Variants in MBNL2 observed in about 807,000 individuals in gnomAD.
MBNL2 encodes the protein muscleblind like splicing regulator 2.
Under a neutral mutation model 41.9 loss-of-function variants are expected in MBNL2, and 17 were observed. The observed-to-expected ratio is 0.41, with a 90% confidence interval of 0.28 to 0.61. The LOEUF (loss-of-function observed/expected upper bound fraction) is 0.61. MBNL2 is among the 20% of genes least tolerant of loss of function. The pLI, the probability that MBNL2 is intolerant of heterozygous loss-of-function variation, is 0.35. For missense variants in MBNL2, 336 were observed against 505.6 expected (o/e 0.66, Z 3.22); for synonymous variants, 195 against 182.9 (o/e 1.07, Z -0.53).
the MBNL2 span, among the ~76,000 whole-genome samples, chr13:97,214,250 C>T: frequency 6.6e-6 from 1 of 152,164 alleles, no homozygotes; most frequent in Non-Finnish European, 1.5e-5. Flanking sequence ...GTAGTTTTGA[C>T]TTTTCGACTC....
Position 97,295,195 on chromosome 13 carries a change from T to C in MBNL2, c.174+18786T>C, listed in dbSNP as rs140921788. Among the ~76,000 whole-genome samples the C allele has an allele frequency of 1.7e-3, 262 of 152,282 alleles. 1 individual carries two copies. The highest frequency in any genetic ancestry group is 2.4e-3 in the Non-Finnish European group (166 of 68,004). On this transcript the variant is annotated intron_variant, in intron 2 of 8. Transcript: ENST00000679496. Reference sequence around the variant, plus strand: ...GAACAGGGCCAATGAATGAGATCTGTGGGAAGACACATCTTTGTTCAATAT... The same window carrying C: ...GAACAGGGCCAATGAATGAGATCTGCGGGAAGACACATCTTTGTTCAATAT...
the MBNL2 span, among the ~76,000 whole-genome samples, chr13:97,195,750 G>C: frequency 6.6e-6 from 1 of 152,140 alleles, no homozygotes; most frequent in South Asian, 2.1e-4. Context: ...TTTCACTAAT[G>C]GTTGATTCTT....
At position 97,320,418 on chromosome 13, in the gene MBNL2, G is replaced by A. The variant is rs566699835; in HGVS notation, c.175-13858G>A. ...ACTACAGGTGTGTGTCACCATGCCCGGCTAATTTTTTGTATTTTTAGTAGA... is the reference window on the plus strand; with the variant it reads ...ACTACAGGTGTGTGTCACCATGCCCAGCTAATTTTTTGTATTTTTAGTAGA... On this transcript the variant is annotated intron_variant, in intron 2 of 8. Transcript: ENST00000679496. 6.6e-5 allele frequency among the ~76,000 whole-genome samples: 10 copies of A among 151,946 alleles called. No individual in the cohort carries two copies. The South Asian group carries it at 1.2e-3, about 19-fold the overall frequency.
intron 2 of MBNL2, among the ~76,000 whole-genome samples, chr13:97,290,552 T>C (rs1270322265): frequency 1.3e-5 from 2 of 151,930 alleles, no homozygotes; most frequent in African/African-American, 4.8e-5. Flanking sequence ...GGCGGGCGCC[T>C]GTAGTCCCAG....
chr13:97,353,110 T>C (rs2062654621), intron 5 of MBNL2, among the ~76,000 whole-genome samples: 2 of 152,220 alleles, frequency 1.3e-5, no homozygotes, highest in Admixed American at 1.3e-4. Context: ...ATTATTGCAG[T>C]GGATGCCAAC....
At chr13:97,356,723 T>C in intron 5 of MBNL2, 73 bp from the exon 6 acceptor site, 1 of 874,176 alleles carries the variant, frequency 1.1e-6, no homozygotes, top group Non-Finnish European at 1.7e-6. Flanking sequence ...CTGCTTGCTG[T>C]TTACCTGTAT....
chr13:97,258,084 T>A (rs765526447), intron 1 of MBNL2, among the ~76,000 whole-genome samples: 55 of 152,292 alleles, frequency 3.6e-4, no homozygotes, highest in Middle Eastern at 6.8e-3. Context: ...GAAGGATCTG[T>A]TCCCAAGTAA....
chr13:97,331,445 C>T (rs901784283), intron 2 of MBNL2, among the ~76,000 whole-genome samples: 1 of 152,180 alleles, frequency 6.6e-6, no homozygotes, highest in African/African-American at 2.4e-5. Flanking sequence ...ATTCCCAAAT[C>T]CCTATATATA....
chr13:97,320,778 G>A (rs1466629799), intron 2 of MBNL2, among the ~76,000 whole-genome samples: 3 of 152,036 alleles, frequency 2.0e-5, no homozygotes, highest in African/African-American at 7.2e-5. Flanking sequence ...AGCCGGGCAT[G>A]GTGGTGGGTG....
the MBNL2 span, among the ~76,000 whole-genome samples, chr13:97,180,778 T>C: frequency 2.0e-5 from 3 of 151,246 alleles, no homozygotes; most frequent in South Asian, 6.3e-4. Context: ...GTTGTACCAG[T>C]TCCTATCACT....
chr13:97,257,155 C>CT lies in MBNL2; in HGVS notation c.-604-18463dup, dbSNP rs1216914474. 4.5e-3 allele frequency among the ~76,000 whole-genome samples: 651 copies of CT among 144,188 alleles called. 1 individual carries two copies. The highest frequency in any genetic ancestry group is 0.011 in the Middle Eastern group (3 of 280). 94.6% of individuals were successfully genotyped at this position (144,188 alleles called of 152,430 possible). A position where few individuals can be genotyped will look rare whatever the true frequency, so the allele number is the denominator to read the frequency against. On this transcript the variant is annotated intron_variant, in intron 1 of 8. Transcript: ENST00000679496. ...GTAAAAGGTATTATTCAGACCCTAC[C>CT]TTTTTTTTTTTTTTCTTCCTCATTT...
intron 3 of MBNL2, among the ~76,000 whole-genome samples, chr13:97,337,037 T>C (rs569215867): frequency 3.9e-5 from 6 of 152,312 alleles, no homozygotes; most frequent in Admixed American, 3.9e-4. Context: ...GTGGTCTGAA[T>C]GTTTGTGTCC....
chr13:97,235,582 T>G (rs543591869), intron 1 of MBNL2, among the ~76,000 whole-genome samples: 1 of 152,250 alleles, frequency 6.6e-6, no homozygotes, highest in Non-Finnish European at 1.5e-5. Flanking sequence ...TGGATTTTTA[T>G]TTGATGTTCT....
intron 2 of MBNL2, among the ~76,000 whole-genome samples, chr13:97,287,505 T>C (rs1252761423): frequency 6.6e-6 from 1 of 152,154 alleles, no homozygotes; most frequent in Non-Finnish European, 1.5e-5. Context: ...ATCATTTCTT[T>C]GTGTTGGGAC....
At chr13:97,229,547 T>C (rs900375044) in intron 1 of MBNL2, among the ~76,000 whole-genome samples, 1 of 151,904 alleles carries the variant, frequency 6.6e-6, no homozygotes, top group African/African-American at 2.4e-5. Flanking sequence ...TTGTTTCTGA[T>C]CTAAAAAAAA....
At chr13:97,218,442 A>AAAC (rs1248985859), upstream of MBNL2, among the ~76,000 whole-genome samples, 6 of 145,594 alleles carry the variant, frequency 4.1e-5, no homozygotes, top group South Asian at 2.1e-4. Context: ...AAACAAAACA[A>AAAC]AAAAAAAAAA....
At chr13:97,248,114 A>G (rs2152831645) in intron 1 of MBNL2, among the ~76,000 whole-genome samples, 1 of 152,252 alleles carries the variant, frequency 6.6e-6, no homozygotes, top group Admixed American at 6.5e-5. Flanking sequence ...ATGTGTGTGT[A>G]TACACACACA....
intron 2 of MBNL2, among the ~76,000 whole-genome samples, chr13:97,326,839 C>A (rs1371548939): frequency 6.6e-6 from 1 of 152,196 alleles, no homozygotes; most frequent in East Asian, 1.9e-4. Flanking sequence ...ATGTAAATAA[C>A]CATTTTATTC....
At chr13:97,387,277 C>T (rs1406665581) in intron 8 of MBNL2, among the ~76,000 whole-genome samples, 1 of 152,234 alleles carries the variant, frequency 6.6e-6, no homozygotes, top group Non-Finnish European at 1.5e-5. Context: ...GCTGAGGCAG[C>T]GGCACTGTGG....
Sources: gnomAD v4.1 joint callset for allele counts (sites outside exome capture counted in the v4.1 genomes callset) on GRCh38, gnomAD v4.1.1 for gene constraint, MANE v1.5 for transcripts, NCBI Gene and HGNC (gene_info 2026-07-23, HGNC 2026-07-21) for gene names.